The following SLCO5A1 variants were observed in gnomAD, a reference collection of about 807,000 sequenced individuals.
The protein encoded by SLCO5A1 is organic anion transporter polypeptide-related protein 4.
Under a neutral mutation model 65.1 loss-of-function variants are expected in SLCO5A1, and 39 were observed. That is an observed-to-expected ratio of 0.60 (90% CI 0.46 to 0.78). The LOEUF is 0.78. Among genes scored for constraint, SLCO5A1 ranks in the 30% least tolerant of loss-of-function variants. The pLI is 0.00. For missense variants in SLCO5A1, 1,029 were observed against 1,069.4 expected, an observed-to-expected ratio of 0.96 and a Z score of 0.53; for synonymous variants, 438 against 415.7, an observed-to-expected ratio of 1.05 and a Z score of -0.65.
rs369667591 is a variant in SLCO5A1 at position 69,718,276 on chromosome 8, A to T, written c.1424-13047T>A. On this transcript the variant is annotated intron_variant, in intron 5 of 9. Coordinates refer to ENST00000260126, the MANE Select transcript of SLCO5A1 (RefSeq NM_030958.3). ...CTTGTTGAACATATTTATTAGTTCTAATAGTTTTTATAATTGATTCCTTAA... is the reference window on the plus strand; with the variant it reads ...CTTGTTGAACATATTTATTAGTTCTTATAGTTTTTATAATTGATTCCTTAA... Among the ~76,000 whole-genome samples, 26 of 152,360 alleles carry T rather than the reference A, an allele frequency of 1.7e-4. No homozygotes were observed. The East Asian group carries it at 3.1e-3, about 18-fold the overall frequency.
At chr8:69,724,398 A>T (rs1363255984) in intron 5 of SLCO5A1, among the ~76,000 whole-genome samples, 1 of 152,248 alleles carries the variant, frequency 6.6e-6, no homozygotes, top group Non-Finnish European at 1.5e-5. Context: ...TTAATCAAAA[A>T]TCAAACATAA....
In SLCO5A1 at chr8:69,832,505, C is replaced by G; in HGVS notation, c.169G>C (p.Ala57Pro). 1 of 1,609,250 alleles carries G rather than the reference C, an allele frequency of 6.2e-7. No homozygotes were observed. The highest frequency in any genetic ancestry group is 8.5e-7 in the Non-Finnish European group (1 of 1,178,060). Residue 57 changes from alanine to proline, a missense_variant, in exon 2 of 10, where the codon GCC (alanine) becomes CCC (proline). Transcript: ENST00000260126. This position sits in a 1 kb window ranked among gnomAD's most constrained non-coding sequence, Gnocchi z 4.5. ...TCCACACAGCCAAAGGCCGGGTTGG[C>G]GTCTCCACTAGTGGGACTGAGGCTT... ...RPSLSPTSGD[A>P]NPAFGCVDSS...
At chr8:69,795,149 C>T (rs1046868907) in intron 2 of SLCO5A1, among the ~76,000 whole-genome samples, 4 of 152,160 alleles carry the variant, frequency 2.6e-5, no homozygotes, top group Non-Finnish European at 4.4e-5. Context: ...ATCACTCCAC[C>T]TCTGGCCCTT....
intron 6 of SLCO5A1, among the ~76,000 whole-genome samples, chr8:69,695,295 G>A (rs34206289): frequency 0.11 from 17,216 of 152,216 alleles, 1,239 homozygotes; most frequent in Non-Finnish European, 0.16. Flanking sequence ...AGGAGTTCAA[G>A]ACCAGCCTGG....
At chr8:69,780,400 C>A (rs552627941) in intron 2 of SLCO5A1, among the ~76,000 whole-genome samples, 76 of 152,278 alleles carry the variant, frequency 5.0e-4, no homozygotes, top group African/African-American at 1.8e-3. Flanking sequence ...ACGGAATCAA[C>A]CAAAGTGCAT....
At chr8:69,724,819 G>A (rs1181459638) in intron 5 of SLCO5A1, among the ~76,000 whole-genome samples, 3 of 152,182 alleles carry the variant, frequency 2.0e-5, no homozygotes, top group African/African-American at 7.2e-5. Context: ...CGCAGCAGGA[G>A]CTGGGAGTCA....
Position 69,780,612 on chromosome 8 carries a change from A to T in SLCO5A1, c.908-18737T>A, listed in dbSNP as rs116773073. On this transcript the variant is annotated intron_variant, in intron 2 of 9. Coordinates refer to ENST00000260126, the MANE Select transcript of SLCO5A1 (RefSeq NM_030958.3). ...GGAGCTAAATAATGTGTACACATGG[A>T]TGTAGACTGTGGAATGATAGAATAT... Among the ~76,000 whole-genome samples the T allele has an allele frequency of 4.2e-3, 641 of 152,300 alleles. 5 individuals are homozygous for T. The highest frequency in any genetic ancestry group is 0.014 in the African/African-American group (602 of 41,560).
chr8:69,695,933 G>C lies in SLCO5A1; in HGVS notation c.1622+9098C>G, dbSNP rs150555000. Reference sequence around the variant, plus strand: ...GTATGATAAAGGACTTGAAGAAATGGGTTTAAAAATAAAAACAGAGCCACC... The same window carrying C: ...GTATGATAAAGGACTTGAAGAAATGCGTTTAAAAATAAAAACAGAGCCACC... On this transcript the variant is annotated intron_variant, in intron 6 of 9. Coordinates refer to ENST00000260126, the MANE Select transcript of SLCO5A1 (RefSeq NM_030958.3). Among the ~76,000 whole-genome samples the C allele has an allele frequency of 7.2e-5, 11 of 152,184 alleles. No homozygotes were observed. In the East Asian group the frequency reaches 2.1e-3, roughly 29 times the overall value.
At chr8:69,797,919 C>CCTATTTGT (rs1488142633) in intron 2 of SLCO5A1, among the ~76,000 whole-genome samples, 3 of 152,118 alleles carry the variant, frequency 2.0e-5, no homozygotes, top group African/African-American at 7.2e-5. Context: ...CTCTGTGACC[C>CCTATTTGT]ACACCCTATT....
At chr8:69,756,473 AG>A (rs373453016) in intron 3 of SLCO5A1, among the ~76,000 whole-genome samples, 30 of 152,180 alleles carry the variant, frequency 2.0e-4, no homozygotes, top group African/African-American at 7.0e-4. Flanking sequence ...ACCAAGTATG[AG>A]GGTTACCAAC....
chr8:69,685,213 CTG>C (rs1813952763), intron 6 of SLCO5A1, among the ~76,000 whole-genome samples: 1 of 152,220 alleles, frequency 6.6e-6, no homozygotes, highest in Non-Finnish European at 1.5e-5. Flanking sequence ...ATCCTTTACA[CTG>C]TGCTGAAAAT....
chr8:69,719,525 A>G (rs1307414543), intron 5 of SLCO5A1, among the ~76,000 whole-genome samples: 1 of 152,238 alleles, frequency 6.6e-6, no homozygotes, highest in African/African-American at 2.4e-5. Flanking sequence ...AAGTAATAGT[A>G]AGACAAATAA....
At chr8:69,699,267 A>T (rs899209061) in intron 6 of SLCO5A1, among the ~76,000 whole-genome samples, 9 of 152,202 alleles carry the variant, frequency 5.9e-5, no homozygotes, top group Admixed American at 4.6e-4. Flanking sequence ...GTTCGGTGAG[A>T]TGCTAGAATG....
intron 2 of SLCO5A1, among the ~76,000 whole-genome samples, chr8:69,772,126 G>A (rs1818341977): frequency 6.6e-6 from 1 of 152,198 alleles, no homozygotes; most frequent in South Asian, 2.1e-4. Flanking sequence ...CTGCATCAGG[G>A]ATTATCTCAA....
At chr8:69,758,473 C>A (rs1391152275) in intron 3 of SLCO5A1, among the ~76,000 whole-genome samples, 4 of 152,104 alleles carry the variant, frequency 2.6e-5, no homozygotes, top group Admixed American at 1.3e-4. Flanking sequence ...AGCCACCGCA[C>A]CCGGCATGCT....
intron 8 of SLCO5A1, 112 bp downstream of exon 8, chr8:69,679,266 A>G (rs1239410328): frequency 3.0e-5 from 44 of 1,455,218 alleles, no homozygotes; most frequent in African/African-American, 5.6e-5. Context: ...CCTCCTGCAC[A>G]TGCTAATTTT....
chr8:69,817,971 C>A (rs1586832001), intron 2 of SLCO5A1, among the ~76,000 whole-genome samples: 3 of 152,172 alleles, frequency 2.0e-5, no homozygotes, highest in African/African-American at 7.2e-5. Context: ...CCTCCGATAT[C>A]AAGAGTTCTA....
chr8:69,811,386 C>T (rs780583317), intron 2 of SLCO5A1, among the ~76,000 whole-genome samples: 2 of 152,274 alleles, frequency 1.3e-5, no homozygotes, highest in Middle Eastern at 3.4e-3. Flanking sequence ...TTCTTTCTCC[C>T]GTGTCACTCT....
intron 2 of SLCO5A1, among the ~76,000 whole-genome samples, chr8:69,809,733 G>GGTGT (rs111791623): frequency 0.038 from 5,678 of 149,258 alleles, 363 homozygotes; most frequent in African/African-American, 0.13. Flanking sequence ...TAAGGAGTGT[G>GGTGT]GTGTGTGTGT....
Sources: allele counts gnomAD v4.1 joint callset (sites outside exome capture counted in the v4.1 genomes callset), GRCh38; gene constraint gnomAD v4.1.1; non-coding constraint Gnocchi (gnomAD v3.1); transcripts MANE v1.5; gene names NCBI Gene and HGNC (gene_info 2026-07-23, HGNC 2026-07-21).